ME3: variants seen among roughly 807,000 people sequenced by gnomAD.
ME3 encodes the protein malic enzyme 3, also known as NADP-dependent malic enzyme, mitochondrial.
Under a neutral mutation model 68.9 loss-of-function variants are expected in ME3, and 48 were observed. The observed-to-expected ratio is 0.70, with a 90% confidence interval of 0.55 to 0.89. ME3 has a LOEUF of 0.89. Among genes scored for constraint, ME3 ranks in the 40% least tolerant of loss-of-function variants. The probability of loss-of-function intolerance (pLI) is 0.00; values close to 1 mark genes in which losing one functional copy is unlikely to be tolerated. For synonymous variants in ME3, 320 were observed against 318.8 expected (o/e 1.00, Z -0.04); for missense variants, 675 against 797.4 (o/e 0.85, Z 1.85).
At chr11:86,447,532 A>G (rs1390726185) in intron 11 of ME3, among the ~76,000 whole-genome samples, 3 of 152,034 alleles carry the variant, frequency 2.0e-5, no homozygotes, top group African/African-American at 7.2e-5. Context: ...CTTGGGAGAG[A>G]AATGCCCATC....
intron 4 of ME3, among the ~76,000 whole-genome samples, chr11:86,535,584 G>C (rs1463565854): frequency 1.3e-5 from 2 of 152,136 alleles, no homozygotes; most frequent in African/African-American, 4.8e-5. Context: ...GAAACTTTTT[G>C]AAAGTACTTT....
At chr11:86,440,327 TG>T (rs1036341984), downstream of ME3, among the ~76,000 whole-genome samples, 1 of 152,102 alleles carries the variant, frequency 6.6e-6, no homozygotes, top group African/African-American at 2.4e-5. Flanking sequence ...CTGCTGAACA[TG>T]AGAGAGATGA....
At chr11:86,559,020 G>A (rs540297861) in intron 3 of ME3, among the ~76,000 whole-genome samples, 89 of 152,308 alleles carry the variant, frequency 5.8e-4, no homozygotes, top group Non-Finnish European at 1.2e-3. Flanking sequence ...CTGGAGCCAG[G>A]TCTCTGTGTT....
At chr11:86,627,455 A>G (rs1460845972) in intron 2 of ME3, among the ~76,000 whole-genome samples, 1 of 152,186 alleles carries the variant, frequency 6.6e-6, no homozygotes, top group Admixed American at 6.5e-5. Context: ...TGGCTTTTTC[A>G]AATAGTGAAA....
intron 4 of ME3, among the ~76,000 whole-genome samples, chr11:86,529,516 C>G (rs901618871): frequency 6.6e-6 from 1 of 152,178 alleles, no homozygotes; most frequent in African/African-American, 2.4e-5. Context: ...ATGAGGCCAG[C>G]ATCATCCTGA....
At chr11:86,603,669 A>C (rs1343975575) in intron 2 of ME3, among the ~76,000 whole-genome samples, 1 of 152,116 alleles carries the variant, frequency 6.6e-6, no homozygotes, top group Non-Finnish European at 1.5e-5. Flanking sequence ...GGCACTATTC[A>C]CAATAGCAAA....
chr11:86,598,995 T>TG lies in ME3; in HGVS notation c.184-39173dup, dbSNP rs575198127. ...CAAAAAGTAGATAAAACCACAAAGATGGGGAAAAAACAGAGCAGAAAAACT... is the reference window on the plus strand; with the variant it reads ...CAAAAAGTAGATAAAACCACAAAGATGGGGGAAAAAACAGAGCAGAAAAACT... On this transcript the variant is annotated intron_variant, in intron 2 of 14. Coordinates refer to ENST00000543262, the Ensembl canonical transcript of ME3. Among the ~76,000 whole-genome samples the TG allele has an allele frequency of 5.4e-3, 816 of 151,988 alleles. 3 individuals are homozygous for TG. Among genetic ancestry groups the TG allele is most frequent in the African/African-American group, 0.018 (762 of 41,442 alleles).
intron 2 of ME3, among the ~76,000 whole-genome samples, chr11:86,641,337 A>C (rs1944661856): frequency 6.6e-6 from 1 of 152,222 alleles, no homozygotes; most frequent in Admixed American, 6.5e-5. Context: ...ATGCTAATGA[A>C]GCACTTCCTC....
intron 2 of ME3, among the ~76,000 whole-genome samples, chr11:86,670,248 G>A (rs569470178): frequency 3.3e-5 from 5 of 152,336 alleles, no homozygotes; most frequent in Admixed American, 3.3e-4. Flanking sequence ...TCTATTCCTG[G>A]ATGATGTGGT....
At chr11:86,620,351 T>A (rs765919076) in intron 2 of ME3, among the ~76,000 whole-genome samples, 8 of 152,220 alleles carry the variant, frequency 5.3e-5, no homozygotes, top group Non-Finnish European at 1.2e-4. Flanking sequence ...ATCTTTTAAT[T>A]TTCCCAGCTT....
chr11:86,598,841 G>C (rs996947437), intron 2 of ME3, among the ~76,000 whole-genome samples: 16 of 152,222 alleles, frequency 1.1e-4, no homozygotes, highest in African/African-American at 3.4e-4. Flanking sequence ...AGGCAAACAG[G>C]GTCTGGAGTG....
chr11:86,454,116 T>C (rs1949789721), intron 8 of ME3, among the ~76,000 whole-genome samples: 1 of 152,228 alleles, frequency 6.6e-6, no homozygotes, highest in Non-Finnish European at 1.5e-5. Flanking sequence ...AAAGTAGGAC[T>C]ATTTATGGCT....
chr11:86,487,669 G>C (rs948839362), intron 6 of ME3, among the ~76,000 whole-genome samples: 1 of 152,184 alleles, frequency 6.6e-6, no homozygotes, highest in African/African-American at 2.4e-5. Flanking sequence ...AACCAAGGAT[G>C]CTTTGAACCA....
intron 2 of ME3, among the ~76,000 whole-genome samples, chr11:86,645,284 A>C (rs1230750790): frequency 6.6e-6 from 1 of 152,132 alleles, no homozygotes. Context: ...TCCCACCCCC[A>C]CAGAGCCCAG....
At chr11:86,651,797 G>C (rs568385412) in intron 2 of ME3, among the ~76,000 whole-genome samples, 1 of 152,152 alleles carries the variant, frequency 6.6e-6, no homozygotes, top group Admixed American at 6.6e-5. Context: ...AAATGACTCC[G>C]AACTGAAGGA....
chr11:86,518,389 A>T (rs1044270102), intron 4 of ME3, among the ~76,000 whole-genome samples: 2 of 151,834 alleles, frequency 1.3e-5, no homozygotes, highest in Admixed American at 6.6e-5. Context: ...TACTTAACAA[A>T]GTAACGCTTA....
chr11:86,443,975 T>A (rs1026491657), intron 13 of ME3, among the ~76,000 whole-genome samples: 1 of 152,290 alleles, frequency 6.6e-6, no homozygotes, highest in East Asian at 1.9e-4. Context: ...GTCTAGACTC[T>A]GTGCTAGGTG....
At chr11:86,654,877 C>T (rs1945749009) in intron 2 of ME3, among the ~76,000 whole-genome samples, 1 of 152,064 alleles carries the variant, frequency 6.6e-6, no homozygotes, top group South Asian at 2.1e-4. Flanking sequence ...TCTCCTTAAG[C>T]TGATAAGCAA....
At chr11:86,624,045 T>C (rs1375721773) in intron 2 of ME3, among the ~76,000 whole-genome samples, 1 of 152,198 alleles carries the variant, frequency 6.6e-6, no homozygotes, top group Non-Finnish European at 1.5e-5. Flanking sequence ...TTCTTTCTCT[T>C]ATAGTTTATT....
Sources: allele counts gnomAD v4.1 joint callset (sites outside exome capture counted in the v4.1 genomes callset), GRCh38; gene constraint gnomAD v4.1.1; transcripts MANE v1.5; gene names NCBI Gene and HGNC (gene_info 2026-07-23, HGNC 2026-07-21).